ADAMTS16: variants seen among roughly 807,000 people sequenced by gnomAD.
ADAMTS16 encodes the protein ADAM metallopeptidase with thrombospondin type 1 motif 16, also known as A disintegrin and metalloproteinase with thrombospondin motifs 16.
In ADAMTS16, 94 loss-of-function variants were observed where a neutral mutation model predicts 145.8. The observed-to-expected ratio is 0.64, with a 90% CI of 0.55 to 0.77. The LOEUF (loss-of-function observed/expected upper bound fraction) is 0.77. ADAMTS16 is among the 30% of genes least tolerant of loss of function. The pLI, the probability that ADAMTS16 is intolerant of heterozygous loss-of-function variation, is 0.00. For missense variants in ADAMTS16, 1,585 were observed against 1,591.5 expected, an observed-to-expected ratio of 1.00 and a Z score of 0.07; for synonymous variants, 659 against 604.3, an observed-to-expected ratio of 1.09 and a Z score of -1.33.
intron 16 of ADAMTS16, among the ~76,000 whole-genome samples, chr5:5,241,666 C>T (rs1236166646): frequency 6.6e-6 from 1 of 152,202 alleles, no homozygotes; most frequent in Non-Finnish European, 1.5e-5. Flanking sequence ...CCCAAAGAAA[C>T]ACCAATGAGA....
chr5:5,168,524 A>G (rs1289918017), intron 3 of ADAMTS16, among the ~76,000 whole-genome samples: 1 of 142,742 alleles, frequency 7.0e-6, no homozygotes, highest in South Asian at 2.1e-4. Context: ...TAATTGCACC[A>G]TAAGTAACTA....
intron 11 of ADAMTS16, among the ~76,000 whole-genome samples, chr5:5,230,751 A>G (rs927243930): frequency 1.3e-5 from 2 of 152,238 alleles, no homozygotes; most frequent in Admixed American, 6.5e-5. Context: ...ATCAACAACG[A>G]TGTTATGATG....
chr5:5,144,736 A>T (rs1579268469), intron 2 of ADAMTS16, among the ~76,000 whole-genome samples: 1 of 152,124 alleles, frequency 6.6e-6, no homozygotes, highest in South Asian at 2.1e-4. Context: ...ATTGATTTCT[A>T]TTTAGAAGGC....
intron 18 of ADAMTS16, among the ~76,000 whole-genome samples, chr5:5,295,011 A>C (rs905654587): frequency 7.9e-5 from 12 of 152,252 alleles, no homozygotes; most frequent in Non-Finnish European, 1.5e-4. Flanking sequence ...ATTATTTAAA[A>C]AAAATGCACA....
At position 5,235,158 on chromosome 5, in the gene ADAMTS16, C is replaced by T. The variant is rs564305895; in HGVS notation, c.1995C>T (p.Tyr665=). Residue 665 remains tyrosine, a synonymous_variant, in exon 13 of 23, where the codon TAC becomes TAT. Transcript: ENST00000274181. ...HNSRRFRGRH[Y]KWKPYTQVED... Reference sequence around the variant, plus strand: ...GCAGACGATTCAGAGGGCGGCACTACAAGTGGAAGCCTTACACTCAAGTAG... The same window carrying T: ...GCAGACGATTCAGAGGGCGGCACTATAAGTGGAAGCCTTACACTCAAGTAG... 7.6e-6 allele frequency: 12 copies of T among 1,584,026 alleles called. No individual in the cohort carries two copies. The highest frequency in any genetic ancestry group is 5.4e-5 in the African/African-American group (4 of 74,556).
intron 18 of ADAMTS16, among the ~76,000 whole-genome samples, chr5:5,275,239 CAA>C (rs1738641007): frequency 6.6e-6 from 1 of 152,108 alleles, no homozygotes; most frequent in African/African-American, 2.4e-5. Flanking sequence ...TCTATATTTC[CAA>C]ATGTATGGAA....
intron 17 of ADAMTS16, among the ~76,000 whole-genome samples, chr5:5,260,967 A>G (rs1737991684): frequency 6.6e-6 from 1 of 152,182 alleles, no homozygotes. Flanking sequence ...GTCCGAGTCC[A>G]TCTGAGTTGT....
At chr5:5,231,563 A>G (rs1736925267) in intron 11 of ADAMTS16, among the ~76,000 whole-genome samples, 2 of 152,112 alleles carry the variant, frequency 1.3e-5, no homozygotes, top group African/African-American at 4.8e-5. Context: ...AGAGACAAAC[A>G]TCTTCCTTCT....
chr5:5,270,830 T>G (rs1044829538), intron 18 of ADAMTS16, among the ~76,000 whole-genome samples: 1 of 152,180 alleles, frequency 6.6e-6, no homozygotes, highest in Non-Finnish European at 1.5e-5. Flanking sequence ...TGCATCTTTC[T>G]TACTGAATTC....
intron 3 of ADAMTS16, among the ~76,000 whole-genome samples, chr5:5,162,604 G>A (rs1203726144): frequency 6.6e-6 from 1 of 152,180 alleles, no homozygotes; most frequent in African/African-American, 2.4e-5. Flanking sequence ...AATTCTGTAT[G>A]ACCTTGCTGA....
chr5:5,319,389 C>A lies in ADAMTS16; in HGVS notation c.*251C>A, dbSNP rs903164437. 1 of 492,990 alleles carries A rather than the reference C, an allele frequency of 2.0e-6. No homozygotes were observed. Among genetic ancestry groups the A allele is most frequent in the Non-Finnish European group, 3.7e-6 (1 of 272,414 alleles). 30.5% of individuals were successfully genotyped at this position (492,990 alleles called of 1,614,324 possible). ...CACCCTGGCAGACAGAGCTGTGGCT[C>A]GTGAGGCAGAAGGCAGGCACCACAA... On this transcript the variant is annotated 3_prime_UTR_variant, in exon 23 of 23. Transcript: ENST00000274181.
chr5:5,203,620 C>A (rs1168566803), intron 9 of ADAMTS16, among the ~76,000 whole-genome samples: 1 of 152,192 alleles, frequency 6.6e-6, no homozygotes. Flanking sequence ...TCAATAAAGT[C>A]ATGTGTCATT....
chr5:5,305,541 T>TACAC lies in ADAMTS16; in HGVS notation c.3187-946_3187-943dup, dbSNP rs113675807. On this transcript the variant is annotated intron_variant, in intron 20 of 22. Coordinates refer to ENST00000274181, the MANE Select transcript of ADAMTS16 (RefSeq NM_139056.4). Reference sequence around the variant, plus strand: ...CCACACACTCACACATCCCACACCATACACACACACACACACACACGTCAG... The same window carrying TACAC: ...CCACACACTCACACATCCCACACCATACACACACACACACACACACACACGTCAG... Among the ~76,000 whole-genome samples the TACAC allele has an allele frequency of 5.5e-3, 639 of 115,596 alleles. 6 individuals carry two copies. Among genetic ancestry groups the TACAC allele is most frequent in the African/African-American group, 0.018 (584 of 32,054 alleles). 75.8% of individuals were successfully genotyped at this position (115,596 alleles called of 152,430 possible).
chr5:5,146,326 T>G lies in ADAMTS16; in HGVS notation c.372T>G (p.Ile124Met). 1 of 1,614,198 alleles carries G rather than the reference T, an allele frequency of 6.2e-7. No homozygotes were observed. Among genetic ancestry groups the G allele is most frequent in the Non-Finnish European group, 8.5e-7 (1 of 1,180,028 alleles). The stretch of plus-strand genomic sequence containing the variant: ...GCAGCCTAGTGGCTCCTGGCTTTAT[T>G]GTGCAGACGTTGGGAAAGACAGGCA... Reference protein sequence around the residue: ...TSSSLVAPGFIVQTLGKTGTK... With the variant: ...TSSSLVAPGFMVQTLGKTGTK... Residue 124 changes from isoleucine (I) to methionine (M), a missense_variant, in exon 3 of 23, where the codon ATT becomes ATG. Physicochemically the swap from Ile to Met is conservative, Grantham distance 10. Around this residue, in one of 3 missense-constraint regions of ADAMTS16, gnomAD observed 453 missense variants for 412.1 expected, o/e 1.10. Transcript: ENST00000274181.
chr5:5,178,737 G>A (rs1417571040), intron 3 of ADAMTS16, among the ~76,000 whole-genome samples: 5 of 152,256 alleles, frequency 3.3e-5, no homozygotes, highest in Admixed American at 2.0e-4. Context: ...CTGGGGATCC[G>A]GTCCTCTCAC....
intron 3 of ADAMTS16, among the ~76,000 whole-genome samples, chr5:5,149,458 A>G (rs1339270180): frequency 1.3e-5 from 2 of 152,226 alleles, no homozygotes; most frequent in Non-Finnish European, 2.9e-5. Context: ...TGAATGTTAT[A>G]CTTTGCTAAT....
Position 5,143,401 on chromosome 5 carries a change from G to A in ADAMTS16, c.175+2635G>A, listed in dbSNP as rs559235205. 3.9e-5 allele frequency among the ~76,000 whole-genome samples: 6 copies of A among 152,314 alleles called. No homozygotes were observed. In the South Asian group the frequency reaches 1.2e-3, roughly 32 times the overall value. The stretch of plus-strand genomic sequence containing the variant: ...AAAACCTCATCATCATTGGTCATTA[G>A]AGAAATGCAAATCAAAACAACAACG... On this transcript the variant is annotated intron_variant, in intron 2 of 22. Coordinates refer to ENST00000274181, the MANE Select transcript of ADAMTS16 (RefSeq NM_139056.4).
At chr5:5,174,548 C>T (rs1480500328) in intron 3 of ADAMTS16, among the ~76,000 whole-genome samples, 1 of 152,140 alleles carries the variant, frequency 6.6e-6, no homozygotes, top group East Asian at 1.9e-4. Flanking sequence ...TTCCATCTCT[C>T]TCTCTGCCTT....
intron 4 of ADAMTS16, among the ~76,000 whole-genome samples, chr5:5,183,408 C>T (rs1316674874): frequency 1.3e-5 from 2 of 152,224 alleles, no homozygotes; most frequent in Non-Finnish European, 2.9e-5. Flanking sequence ...CGGAGGCTTC[C>T]CCAAGGTCAG....
Sources: gnomAD v4.1 joint callset for allele counts (sites outside exome capture counted in the v4.1 genomes callset) on GRCh38, gnomAD v4.1.1 for gene constraint, gnomAD v4.1.1 regional missense constraint, MANE v1.5 for transcripts, NCBI Gene and HGNC (gene_info 2026-07-23, HGNC 2026-07-21) for gene names.